HIVEP1: variants seen among roughly 807,000 people sequenced by gnomAD.
The protein encoded by HIVEP1 is zinc finger protein 40.
Under a neutral mutation model 180.0 loss-of-function variants are expected in HIVEP1, and 36 were observed. The observed-to-expected ratio is 0.20, with a 90% CI of 0.15 to 0.26. HIVEP1 has a LOEUF of 0.26. Ranked by LOEUF, HIVEP1 falls within the 10% of genes least tolerant of loss-of-function variation. The pLI is 1.00. For synonymous variants in HIVEP1, 1,239 were observed against 1,239.0 expected (o/e 1.00, Z 0.00); for missense variants, 3,143 against 3,268.7 (o/e 0.96, Z 0.94).
At chr6:12,139,144 G>A (rs966753676) in intron 7 of HIVEP1, among the ~76,000 whole-genome samples, 16 of 151,858 alleles carry the variant, frequency 1.1e-4, no homozygotes, top group African/African-American at 3.6e-4. Flanking sequence ...AAAAGCCCCA[G>A]GGGTTTCCTG....
chr6:12,124,712 C>T lies in HIVEP1; in HGVS notation c.4917C>T (p.Arg1639=). 6.2e-7 allele frequency: 1 copy of T among 1,614,160 alleles called. No individual in the cohort carries two copies. The highest frequency in any genetic ancestry group is 8.5e-7 in the Non-Finnish European group (1 of 1,180,012). ...KVPSSFMLPI[R]LQSSVPAYCF... is the part of the protein sequence containing the mutation. The stretch of plus-strand genomic sequence containing the variant: ...CATCATCATTCATGCTGCCCATACG[C>T]CTGCAGAGTAGTGTTCCTGCTTACT... Residue 1639 remains arginine (R), a synonymous_variant, in exon 4 of 9, where the codon CGC becomes CGT. Coordinates refer to ENST00000379388, the MANE Select transcript of HIVEP1 (RefSeq NM_002114.4).
chr6:12,198,432 T>C, the HIVEP1 span, among the ~76,000 whole-genome samples: 8 of 152,302 alleles, frequency 5.3e-5, no homozygotes, highest in African/African-American at 1.7e-4. Context: ...AGAGAACATA[T>C]AAGTAATAAT....
chr6:12,155,542 G>A (rs1009112454), intron 7 of HIVEP1, among the ~76,000 whole-genome samples: 5 of 152,036 alleles, frequency 3.3e-5, no homozygotes, highest in African/African-American at 1.2e-4. Flanking sequence ...AGTTTGCTGA[G>A]GATTATGGCT....
rs532741462 is a variant in HIVEP1, at chr6:12,018,581, T to C, written c.40+2913T>C. 2.6e-3 allele frequency among the ~76,000 whole-genome samples: 389 copies of C among 152,326 alleles called. 2 individuals are homozygous for C. The highest frequency in any genetic ancestry group is 8.9e-3 in the African/African-American group (371 of 41,564). The stretch of plus-strand genomic sequence containing the variant: ...GGTGAGAAATGAATAGTATGGAGAT[T>C]CCACAGAGATAGGGAGTCATTATTT... On this transcript the variant is annotated intron_variant, in intron 2 of 8. Transcript: ENST00000379388.
At chr6:12,051,820 C>A (rs559677971) in intron 2 of HIVEP1, among the ~76,000 whole-genome samples, 1 of 152,200 alleles carries the variant, frequency 6.6e-6, no homozygotes, top group South Asian at 2.1e-4. Flanking sequence ...TACTTTTAGT[C>A]AGCTTCTCTT....
chr6:12,090,149 G>GGT (rs200473471), intron 3 of HIVEP1, among the ~76,000 whole-genome samples: 1,542 of 152,224 alleles, frequency 0.01, 28 homozygotes, highest in African/African-American at 0.035. Flanking sequence ...CAGGTAGTGA[G>GGT]GTAAATACTG....
At chr6:12,195,910 C>A in the HIVEP1 span, among the ~76,000 whole-genome samples, 14 of 152,180 alleles carry the variant, frequency 9.2e-5, no homozygotes, top group African/African-American at 3.4e-4. Flanking sequence ...CAGAGATCTA[C>A]CAGAATAACT....
chr6:12,132,588 G>T lies in HIVEP1; in HGVS notation c.6385+1646G>T, dbSNP rs557640749. ...TTAATCTTAGTGAAATTAACTCGAAGATTTTAGATAAATGTTAACTAAATG... is the reference window on the plus strand; with the variant it reads ...TTAATCTTAGTGAAATTAACTCGAATATTTTAGATAAATGTTAACTAAATG... On this transcript the variant is annotated intron_variant, in intron 6 of 8. Transcript: ENST00000379388. 4.5e-4 allele frequency among the ~76,000 whole-genome samples: 68 copies of T among 152,296 alleles called. 2 individuals are homozygous for T. Among genetic ancestry groups the T allele is most frequent in the East Asian group, 5.8e-4 (3 of 5,192 alleles).
intron 2 of HIVEP1, among the ~76,000 whole-genome samples, chr6:12,055,462 C>T (rs1198252053): frequency 6.6e-6 from 1 of 151,630 alleles, no homozygotes; most frequent in Non-Finnish European, 1.5e-5. Flanking sequence ...CAGAGTGAGA[C>T]TCCGTCTCAA....
intron 1 of HIVEP1, 56 bp downstream of exon 1, chr6:12,012,622 A>AGGG (rs1163479157): frequency 3.5e-4 from 32 of 91,974 alleles, no homozygotes; most frequent in African/African-American, 1.1e-3. Context: ...GGCGGGGCGG[A>AGGG]GGGGGGGGGG....
chr6:12,158,627 G>A (rs1198643278), intron 7 of HIVEP1, among the ~76,000 whole-genome samples: 1 of 152,010 alleles, frequency 6.6e-6, no homozygotes, highest in Non-Finnish European at 1.5e-5. Context: ...TAGGTTTCTG[G>A]GCTGTGACCT....
chr6:12,183,440 G>T, the HIVEP1 span, among the ~76,000 whole-genome samples: 1 of 152,182 alleles, frequency 6.6e-6, no homozygotes, highest in Non-Finnish European at 1.5e-5. Context: ...CAAATGTCTG[G>T]GGTGCCAGCT....
the HIVEP1 span, among the ~76,000 whole-genome samples, chr6:12,204,863 T>G: frequency 6.6e-6 from 1 of 152,036 alleles, no homozygotes; most frequent in East Asian, 1.9e-4. Context: ...AAGCAAACAA[T>G]AAACATGTAT....
intron 7 of HIVEP1, among the ~76,000 whole-genome samples, chr6:12,156,474 C>T (rs1315035324): frequency 2.0e-5 from 3 of 152,064 alleles, no homozygotes; most frequent in African/African-American, 7.2e-5. Context: ...TTCCCAGCAT[C>T]GTTTATTAAA....
At chr6:12,088,031 A>G (rs1341358658) in intron 2 of HIVEP1, among the ~76,000 whole-genome samples, 1 of 151,598 alleles carries the variant, frequency 6.6e-6, no homozygotes, top group Non-Finnish European at 1.5e-5. Flanking sequence ...TTGGATCAAT[A>G]TGCAATTGAA....
At chr6:12,018,858 G>A (rs113333714) in intron 2 of HIVEP1, among the ~76,000 whole-genome samples, 4,132 of 152,286 alleles carry the variant, frequency 0.027, 152 homozygotes, top group African/African-American at 0.087. Flanking sequence ...AGAGAGGCAG[G>A]ATACTGGAGC....
chr6:12,077,084 A>G (rs988197045), intron 2 of HIVEP1, among the ~76,000 whole-genome samples: 8 of 152,148 alleles, frequency 5.3e-5, no homozygotes, highest in Non-Finnish European at 1.0e-4. Flanking sequence ...TCTTACTGAC[A>G]GAGTTTTCTT....
chr6:12,187,864 G>A, the HIVEP1 span, among the ~76,000 whole-genome samples: 1 of 152,094 alleles, frequency 6.6e-6, no homozygotes, highest in Admixed American at 6.6e-5. Context: ...GGGATTACAG[G>A]TGTGAGCCAC....
In HIVEP1 at chr6:12,025,646, C is replaced by G. The variant is rs1051193360; in HGVS notation, c.40+9978C>G. 9.2e-5 allele frequency among the ~76,000 whole-genome samples: 14 copies of G among 152,166 alleles called. No homozygotes were observed. The East Asian group carries it at 2.3e-3, about 25-fold the overall frequency. Reference sequence around the variant, plus strand: ...TAAGCAAAATAAAGTAGATAACATTCTATAATTTGTCTTCATGTGGTAGGT... The same window carrying G: ...TAAGCAAAATAAAGTAGATAACATTGTATAATTTGTCTTCATGTGGTAGGT... On this transcript the variant is annotated intron_variant, in intron 2 of 8. Coordinates refer to ENST00000379388, the MANE Select transcript of HIVEP1 (RefSeq NM_002114.4).
Sources: gnomAD v4.1 joint callset for allele counts (sites outside exome capture counted in the v4.1 genomes callset) on GRCh38, gnomAD v4.1.1 for gene constraint, MANE v1.5 for transcripts, NCBI Gene and HGNC (gene_info 2026-07-23, HGNC 2026-07-21) for gene names.